The following ENO1 variants were observed in gnomAD, a reference collection of about 807,000 sequenced individuals.
ENO1 encodes the protein enolase 1.
Under a neutral mutation model 46.3 loss-of-function variants are expected in ENO1, and 33 were observed. The observed-to-expected ratio is 0.71, with a 90% confidence interval of 0.54 to 0.95. The LOEUF (loss-of-function observed/expected upper bound fraction) is 0.95. Ranked by LOEUF, ENO1 falls within the 40% of genes least tolerant of loss-of-function variation. The pLI, the probability that ENO1 is intolerant of heterozygous loss-of-function variation, is 0.00. For synonymous variants in ENO1, 220 were observed against 216.0 expected (o/e 1.02, Z -0.16); for missense variants, 488 against 553.3 (o/e 0.88, Z 1.18).
chr1:8,878,195 G>C (rs1401248138), intron 1 of ENO1: 1 of 177,590 alleles, frequency 5.6e-6, no homozygotes, highest in Non-Finnish European at 1.2e-5. Flanking sequence ...CTAAGTCTGC[G>C]TCTATCCCAA....
rs559265086 is a variant in ENO1, at chr1:8,863,356, G to GAACAACCCAGATGGCA, written c.1068-29_1068-14dup. The GAACAACCCAGATGGCA allele has an allele frequency of 3.1e-4, 501 of 1,609,766 alleles. 3 individuals are homozygous for GAACAACCCAGATGGCA. The African/African-American group carries it at 5.8e-3, about 19-fold the overall frequency. On this transcript the variant is annotated splice_polypyrimidine_tract_variant and intron_variant, in intron 9 of 11. Coordinates refer to ENST00000234590, the MANE Select transcript of ENO1 (RefSeq NM_001428.5). ...GGCCAGCTTGCACCTGGAAGCCAAG[G>GAACAACCCAGATGGCA]AACAACCCAGATGGCATGATCCCAT...
chr1:8,874,686 TCA>T, intron 2 of ENO1, 136 bp downstream of exon 2: 1 of 529,150 alleles, frequency 1.9e-6, no homozygotes. Flanking sequence ...CAGTCAGGAA[TCA>T]CAACCTACTA....
At chr1:8,871,172 C>T (rs764621483) in intron 3 of ENO1, 4 of 1,094,138 alleles carry the variant, frequency 3.7e-6, no homozygotes, top group Non-Finnish European at 4.4e-6. Flanking sequence ...GGACTGAACA[C>T]CCAGCACCAC....
chr1:8,875,212 T>C lies in ENO1; in HGVS notation c.-9-295A>G, dbSNP rs552384966. On this transcript the variant is annotated intron_variant, in intron 1 of 11. Transcript: ENST00000234590. ...TACTTTTATCCGACTGCTCAAGTCA[T>C]TGCCAAGGTCTGATTTTTCACAAAA... Among the ~76,000 whole-genome samples the C allele has an allele frequency of 3.3e-5, 5 of 152,176 alleles. No individual in the cohort carries two copies. The South Asian group carries it at 1.0e-3, about 32-fold the overall frequency.
chr1:8,874,884 TGGCA>T lies in ENO1; in HGVS notation c.21_24del (p.His7GlnfsTer40). 6.2e-7 allele frequency: 1 copy of T among 1,613,964 alleles called. No homozygotes were observed. Among genetic ancestry groups the T allele is most frequent in the Non-Finnish European group, 8.5e-7 (1 of 1,179,898 alleles). ...TTCCCGCGAGAGTCAAAGATCTCCC[TGGCA>T]TGGATCTTGAGAATAGACATGGTGA... On this transcript the variant is annotated frameshift_variant, in exon 2 of 12. Coordinates refer to ENST00000234590, the MANE Select transcript of ENO1 (RefSeq NM_001428.5). LOFTEE classifies it high-confidence loss of function.
In ENO1 at chr1:8,870,480, T is replaced by G; in HGVS notation, c.212A>C (p.Lys71Thr). Residue 71 changes from lysine (K) to threonine (T), a missense_variant, in exon 4 of 12, where the codon AAA becomes ACA. Coordinates refer to ENST00000234590, the MANE Select transcript of ENO1 (RefSeq NM_001428.5). ...GVSKAVEHIN[K>T]TIAPALVSKK... Reference sequence around the variant, plus strand: ...GCTAACCAGGGCAGGCGCAATAGTTTTATTGATGTGCTCAACAGCCTTTGA... The same window carrying G: ...GCTAACCAGGGCAGGCGCAATAGTTGTATTGATGTGCTCAACAGCCTTTGA... The G allele has an allele frequency of 6.2e-7, 1 of 1,614,178 alleles. No homozygotes were observed. The highest frequency in any genetic ancestry group is 8.5e-7 in the Non-Finnish European group (1 of 1,180,030).
At position 8,865,414 on chromosome 1, in the gene ENO1, C is replaced by T. The variant is rs1280453205; in HGVS notation, c.736G>A (p.Val246Ile). 4.3e-6 allele frequency: 7 copies of T among 1,614,024 alleles called. No homozygotes were observed. Among genetic ancestry groups the T allele is most frequent in the African/African-American group, 2.7e-5 (2 of 75,034 alleles). Residue 246 changes from valine to isoleucine, a missense_variant, in exon 8 of 12, where the codon GTA becomes ATA. Val to Ile is a conservative substitution (Grantham distance 29, BLOSUM62 3). Transcript: ENST00000234590. ...GACCTGAAGAACTCGGAGGCCGCTACGTCCATGCCGATGACCACCTTATCA... is the reference window on the plus strand; with the variant it reads ...GACCTGAAGAACTCGGAGGCCGCTATGTCCATGCCGATGACCACCTTATCA... ...YTDKVVIGMDVAASEFFRSGK... is the reference protein window; with the variant it reads ...YTDKVVIGMDIAASEFFRSGK...
rs549636657 is a variant in ENO1, at chr1:8,861,218, C to T, written c.*142G>A. On this transcript the variant is annotated 3_prime_UTR_variant, in exon 12 of 12. Transcript: ENST00000234590. ...GGCTTCTGTAGAAGTTCTAAGGAAG[C>T]GGTACGAACTCCACGGCGGTGGGGC... The T allele has an allele frequency of 3.4e-5, 26 of 760,650 alleles. No individual in the cohort carries two copies. The East Asian group carries it at 3.4e-4, about 10-fold the overall frequency. 47.1% of individuals were successfully genotyped at this position (760,650 alleles called of 1,614,324 possible).
At chr1:8,871,033 T>C in intron 3 of ENO1, 1 of 1,238,048 alleles carries the variant, frequency 8.1e-7, no homozygotes, top group Non-Finnish European at 1.0e-6. Flanking sequence ...AATGCTTACT[T>C]ACTGAGCACT....
chr1:8,869,672 G>C (rs1642590563), intron 4 of ENO1, among the ~76,000 whole-genome samples: 1 of 152,174 alleles, frequency 6.6e-6, no homozygotes, highest in Non-Finnish European at 1.5e-5. Flanking sequence ...CGATTCTCAT[G>C]TCTCAGACTC....
chr1:8,865,235 T>A (rs753202505), intron 8 of ENO1, 50 bp downstream of exon 8: 6 of 1,602,120 alleles, frequency 3.7e-6, no homozygotes, highest in Non-Finnish European at 5.1e-6. Context: ...CCAGCTGCCC[T>A]GCTGCAGGTC....
At chr1:8,874,444 G>A (rs1642694013) in intron 2 of ENO1, among the ~76,000 whole-genome samples, 1 of 151,648 alleles carries the variant, frequency 6.6e-6, no homozygotes, top group South Asian at 2.1e-4. Context: ...CAGGTGTGGT[G>A]GTGCACACCT....
chr1:8,871,103 A>G (rs1642623489), intron 3 of ENO1: 2 of 1,202,826 alleles, frequency 1.7e-6, no homozygotes, highest in Non-Finnish European at 1.0e-6. Flanking sequence ...ACGCCATTAA[A>G]CAACGGTCAA....
rs1642538402 is a variant in ENO1, at chr1:8,867,183, CT to C, written c.377del (p.Lys126ArgfsTer44). ...LAVCKAGAVE[K>X]GVPLYRHIAD... ...CGATGTGGCGGTACAGGGGGACCCC[CT>C]TCTCAACGGCACCAGCTTTGCAGAC... On this transcript the variant is annotated frameshift_variant, in exon 6 of 12. Transcript: ENST00000234590. LOFTEE classifies it high-confidence loss of function. 1 of 1,614,084 alleles carries C rather than the reference CT, an allele frequency of 6.2e-7. No homozygotes were observed. The highest frequency in any genetic ancestry group is 8.5e-7 in the Non-Finnish European group (1 of 1,180,036).
chr1:8,863,318 A>G lies in ENO1; in HGVS notation c.1093T>C (p.Trp365Arg). The change falls in exon 10 of 12, where the codon TGG becomes CGG. Residue 365 changes from tryptophan (W) to arginine (R), a missense_variant. By Grantham distance (101) the Trp-to-Arg change is moderately radical. Coordinates refer to ENST00000234590, the MANE Select transcript of ENO1 (RefSeq NM_001428.5). ...GAACGATGAGACACCATGACGCCCCAACCATTGGCCTGGGCCAGCTTGCAC... is the reference window on the plus strand; with the variant it reads ...GAACGATGAGACACCATGACGCCCCGACCATTGGCCTGGGCCAGCTTGCAC... ...QACKLAQANG[W>R]GVMVSHRSGE... The G allele has an allele frequency of 1.2e-6, 2 of 1,614,020 alleles. No homozygotes were observed. The highest frequency in any genetic ancestry group is 1.7e-6 in the Non-Finnish European group (2 of 1,179,954).
rs1374971687 is a variant in ENO1, at chr1:8,870,761, G to T, written c.182-251C>A. 6 of 1,419,298 alleles carry T rather than the reference G, an allele frequency of 4.2e-6. No individual in the cohort carries two copies. In the East Asian group the frequency reaches 1.5e-4, roughly 36 times the overall value. 87.9% of individuals were successfully genotyped at this position (1,419,298 alleles called of 1,614,324 possible). On this transcript the variant is annotated intron_variant, in intron 3 of 11. Transcript: ENST00000234590. ...CTGGCTCAGAACGATCTGACTGGAG[G>T]TTAGTTTGCAAGACCATGCACTGGA... is the stretch of plus-strand genomic sequence containing the variant.
intron 1 of ENO1, 122 bp downstream of exon 1, chr1:8,878,458 G>T: frequency 2.8e-6 from 1 of 358,674 alleles, no homozygotes; most frequent in South Asian, 2.0e-5. Flanking sequence ...GCTTGCACGT[G>T]CCCCCGACCC....
intron 7 of ENO1, among the ~76,000 whole-genome samples, chr1:8,865,834 G>A (rs1450566366): frequency 6.6e-6 from 1 of 151,570 alleles, no homozygotes; most frequent in Non-Finnish European, 1.5e-5. Flanking sequence ...GAGCAGAAGC[G>A]GGGTCCAAGA....
intron 10 of ENO1, 143 bp downstream of exon 10, chr1:8,863,092 G>GC: frequency 1.5e-6 from 2 of 1,335,902 alleles, no homozygotes; most frequent in South Asian, 2.7e-5. Context: ...GGGCGCTCAT[G>GC]CCCCCATTCT....
Sources: allele counts gnomAD v4.1 joint callset (sites outside exome capture counted in the v4.1 genomes callset), GRCh38; gene constraint gnomAD v4.1.1; transcripts MANE v1.5; gene names NCBI Gene and HGNC (gene_info 2026-07-23, HGNC 2026-07-21).